The following TACC2 variants were observed in gnomAD, a reference collection of about 807,000 sequenced individuals.
TACC2 encodes the protein transforming acidic coiled-coil containing protein 2.
A neutral mutation model predicts 227.3 loss-of-function variants in TACC2; 137 were observed. The observed-to-expected ratio is 0.60, with a 90% CI of 0.52 to 0.69. TACC2 has a LOEUF of 0.69. Among genes scored for constraint, TACC2 ranks in the 30% least tolerant of loss-of-function variants. The probability of loss-of-function intolerance (pLI) is 0.00; values close to 1 mark genes in which losing one functional copy is unlikely to be tolerated. For synonymous variants in TACC2, 1,523 were observed against 1,487.5 expected, an observed-to-expected ratio of 1.02 and a Z score of -0.55; for missense variants, 3,470 against 3,694.4, an observed-to-expected ratio of 0.94 and a Z score of 1.57.
chr10:122,088,876 T>TG, intron 5 of TACC2: 1 of 850,726 alleles, frequency 1.2e-6, no homozygotes, highest in South Asian at 1.8e-5. Flanking sequence ...ATCCCAACAC[T>TG]TTGGGAGGTC....
chr10:122,085,996 C>G lies in TACC2; in HGVS notation c.3496C>G (p.Leu1166Val). 6.2e-7 allele frequency: 1 copy of G among 1,613,994 alleles called. No individual in the cohort carries two copies. The highest frequency in any genetic ancestry group is 8.5e-7 in the Non-Finnish European group (1 of 1,180,020). Reference sequence around the variant, plus strand: ...TGGCCTCCTTCAGACTGAGCACTGCCTTACCTCCGGGGAGGAAGCTTCTAC... The same window carrying G: ...TGGCCTCCTTCAGACTGAGCACTGCGTTACCTCCGGGGAGGAAGCTTCTAC... Reference protein sequence around the residue: ...SCGLLQTEHCLTSGEEASTSA... With the variant: ...SCGLLQTEHCVTSGEEASTSA... The change falls in exon 4 of 23, where the codon CTT (leucine) becomes GTT (valine). Residue 1166 changes from leucine to valine, a missense_variant. By Grantham distance (32) the Leu-to-Val change is conservative. Transcript: ENST00000369005.
chr10:122,044,092 T>C (rs2074682145), intron 2 of TACC2, among the ~76,000 whole-genome samples: 1 of 152,250 alleles, frequency 6.6e-6, no homozygotes, highest in African/African-American at 2.4e-5. Context: ...TCTGTTATTT[T>C]CCATCTTTTA....
chr10:122,124,680 C>A (rs531414544), intron 5 of TACC2, among the ~76,000 whole-genome samples: 1 of 152,172 alleles, frequency 6.6e-6, no homozygotes, highest in African/African-American at 2.4e-5. Context: ...TTTGCCTGCA[C>A]GCCTTTGCCC....
At position 122,132,682 on chromosome 10, in the gene TACC2, TC is replaced by T. The variant is rs761248045; in HGVS notation, c.5649del (p.Tyr1884ThrfsTer13). Reference sequence around the variant, plus strand: ...GGAAAGCCCAACCTTAGCTGCCTCTTCCTACCACGGTGATGTTGTTGGCCAG... The same window carrying T: ...GGAAAGCCCAACCTTAGCTGCCTCTTCTACCACGGTGATGTTGTTGGCCAG... The part of the protein sequence containing the change: ...DLESPTLAAS[S>X]YHGDVVGQVS... On this transcript the variant is annotated frameshift_variant, in exon 6 of 23. Coordinates refer to ENST00000369005, the MANE Select transcript of TACC2 (RefSeq NM_206862.4). LOFTEE classifies it high-confidence loss of function. 3 of 1,614,214 alleles carry T rather than the reference TC, an allele frequency of 1.9e-6. No individual in the cohort carries two copies. The highest frequency in any genetic ancestry group is 2.5e-6 in the Non-Finnish European group (3 of 1,180,030).
At chr10:122,241,799 C>G in intron 18 of TACC2, 159 bp from the exon 19 acceptor site, 2 of 692,664 alleles carry the variant, frequency 2.9e-6, no homozygotes, top group Middle Eastern at 5.1e-4. Flanking sequence ...TTTAGAGTCA[C>G]GCACCAGGAA....
chr10:122,086,463 A>T lies in TACC2; in HGVS notation c.3963A>T (p.Gly1321=), dbSNP rs774550802. 8.7e-6 allele frequency: 14 copies of T among 1,613,744 alleles called. No individual in the cohort carries two copies. The highest frequency in any genetic ancestry group is 1.7e-6 in the Non-Finnish European group (2 of 1,180,042). Residue 1321 remains glycine, a synonymous_variant, in exon 4 of 23, where the codon GGA becomes GGT. Transcript: ENST00000369005. ...SGSPKARTTE[G]PVDSMPCLDR... ...GTCCCAAAGCCAGAACCACTGAGGG[A>T]CCAGTGGACTCCATGCCATGCCTGG...
At chr10:122,123,381 C>T (rs2086217498) in intron 5 of TACC2, among the ~76,000 whole-genome samples, 1 of 152,170 alleles carries the variant, frequency 6.6e-6, no homozygotes, top group African/African-American at 2.4e-5. Flanking sequence ...CACACTTGTC[C>T]ACCCATTTTC....
At chr10:122,098,005 T>C (rs1012422872) in intron 5 of TACC2, among the ~76,000 whole-genome samples, 3 of 152,110 alleles carry the variant, frequency 2.0e-5, no homozygotes, top group Non-Finnish European at 4.4e-5. Context: ...TACACGCTCC[T>C]CTGCTAGAAA....
chr10:122,228,659 C>T (rs914590407), intron 14 of TACC2, among the ~76,000 whole-genome samples: 13 of 152,156 alleles, frequency 8.5e-5, no homozygotes, highest in Non-Finnish European at 1.3e-4. Context: ...AGGTGTGAAG[C>T]CCTTGATTTA....
chr10:122,022,941 C>T (rs532527700), intron 2 of TACC2: 1 of 152,338 alleles, frequency 6.6e-6, no homozygotes, highest in East Asian at 1.9e-4. Flanking sequence ...ATTTATCTCA[C>T]ACAAACTGGA....
At chr10:122,222,943 A>G (rs914823582) in intron 11 of TACC2, among the ~76,000 whole-genome samples, 7 of 152,188 alleles carry the variant, frequency 4.6e-5, no homozygotes, top group African/African-American at 1.7e-4. Flanking sequence ...GAACAGTAAA[A>G]TGATAGTCCC....
At chr10:122,201,795 G>T (rs959670329) in intron 8 of TACC2, among the ~76,000 whole-genome samples, 3 of 152,092 alleles carry the variant, frequency 2.0e-5, no homozygotes, top group African/African-American at 7.2e-5. Context: ...GATGACATTT[G>T]ATAATAATAA....
chr10:122,012,377 G>A (rs908725602), intron 1 of TACC2, among the ~76,000 whole-genome samples: 12 of 135,292 alleles, frequency 8.9e-5, no homozygotes, highest in African/African-American at 2.5e-4. Flanking sequence ...CCGAGATCAC[G>A]CCACTGCACT....
intron 2 of TACC2, among the ~76,000 whole-genome samples, chr10:122,049,721 G>T (rs919483994): frequency 3.3e-5 from 5 of 151,840 alleles, no homozygotes; most frequent in Admixed American, 2.0e-4. Flanking sequence ...TCATTTAAAT[G>T]AGGTTCTGTT....
intron 3 of TACC2, among the ~76,000 whole-genome samples, chr10:122,073,738 C>T (rs2078419938): frequency 6.6e-6 from 1 of 152,126 alleles, no homozygotes. Flanking sequence ...CGCACTTCAC[C>T]TAGTGCTTCC....
At chr10:122,016,662 A>G (rs1051976708) in intron 1 of TACC2, among the ~76,000 whole-genome samples, 1 of 151,684 alleles carries the variant, frequency 6.6e-6, no homozygotes, top group African/African-American at 2.4e-5. Flanking sequence ...AAACTGCCCC[A>G]TTCTGAGCAC....
At chr10:122,021,082 T>C (rs1031913993) in intron 1 of TACC2, among the ~76,000 whole-genome samples, 10 of 152,026 alleles carry the variant, frequency 6.6e-5, no homozygotes, top group African/African-American at 2.2e-4. Flanking sequence ...ATACAAAAAT[T>C]AGCCAGGTGT....
At chr10:122,065,817 A>G (rs2077312468) in intron 3 of TACC2, among the ~76,000 whole-genome samples, 1 of 152,138 alleles carries the variant, frequency 6.6e-6, no homozygotes, top group South Asian at 2.1e-4. Context: ...AGAATTTTTA[A>G]TGTTTATTTT....
In TACC2 at chr10:122,083,040, GGAA is replaced by G. The variant is rs1385726721; in HGVS notation, c.545_547del (p.Glu182del). 6 of 1,612,520 alleles carry G rather than the reference GGAA, an allele frequency of 3.7e-6. No homozygotes were observed. Among genetic ancestry groups the G allele is most frequent in the Admixed American group, 3.3e-5 (2 of 60,004 alleles). The stretch of plus-strand genomic sequence containing the variant: ...GTGCTGGAAGAGAGAGACAGCCGAA[GGAA>G]GAAGGACAGAAGTCCTCCTTCTCCT... On this transcript the variant is annotated inframe_deletion, in exon 4 of 23. Transcript: ENST00000369005.
Sources: gnomAD v4.1 joint callset for allele counts (sites outside exome capture counted in the v4.1 genomes callset) on GRCh38, gnomAD v4.1.1 for gene constraint, MANE v1.5 for transcripts, NCBI Gene and HGNC (gene_info 2026-07-23, HGNC 2026-07-21) for gene names.